Variants in ALDH6A1 observed in about 807,000 individuals in gnomAD.
ALDH6A1 encodes aldehyde dehydrogenase 6 family member A1, also known as methylmalonate-semialdehyde/malonate-semialdehyde dehydrogenase [acylating], mitochondrial.
ALDH6A1 carries 43 observed loss-of-function variants against 62.6 expected under a neutral mutation model. The observed-to-expected ratio is 0.69, with a 90% confidence interval of 0.54 to 0.89. ALDH6A1 has a LOEUF of 0.89. ALDH6A1 is among the 40% of genes least tolerant of loss of function. The probability of loss-of-function intolerance (pLI) is 0.00; values close to 1 mark genes in which losing one functional copy is unlikely to be tolerated. For missense variants in ALDH6A1, 551 were observed against 661.3 expected, an observed-to-expected ratio of 0.83 and a Z score of 1.83; for synonymous variants, 194 against 234.2, an observed-to-expected ratio of 0.83 and a Z score of 1.57.
chr14:74,075,053 G>C (rs776154938), intron 1 of ALDH6A1, 36 bp from the exon 2 acceptor site: 2 of 1,601,150 alleles, frequency 1.2e-6, no homozygotes, highest in Middle Eastern at 1.7e-4. Flanking sequence ...TGATAAATGA[G>C]AGCAGAAAGT....
At chr14:74,061,849 CTT>C (rs2060348567) in intron 11 of ALDH6A1, among the ~76,000 whole-genome samples, 1 of 152,084 alleles carries the variant, frequency 6.6e-6, no homozygotes, top group Non-Finnish European at 1.5e-5. Flanking sequence ...AGATCTAACA[CTT>C]ATATAATTAC....
intron 2 of ALDH6A1, 67 bp downstream of exon 2, chr14:74,074,888 G>T: frequency 1.3e-6 from 2 of 1,494,314 alleles, no homozygotes; most frequent in Non-Finnish European, 1.9e-6. Flanking sequence ...ATGTAAAGAA[G>T]ATAGAGATAC....
intron 11 of ALDH6A1, among the ~76,000 whole-genome samples, chr14:74,061,493 C>G (rs1333311130): frequency 1.3e-5 from 2 of 151,688 alleles, no homozygotes; most frequent in Non-Finnish European, 2.9e-5. Context: ...TAGAGAAGGG[C>G]TAATTTCAGA....
rs538855239 is a variant in ALDH6A1 at position 74,057,165 on chromosome 14, T to A, written c.*3477A>T. The A allele has an allele frequency of 5.0e-6, 8 of 1,612,836 alleles. No individual in the cohort carries two copies. The South Asian group carries it at 8.8e-5, about 18-fold the overall frequency. On this transcript the variant is annotated 3_prime_UTR_variant, in exon 12 of 12. Coordinates refer to ENST00000553458, the MANE Select transcript of ALDH6A1 (RefSeq NM_005589.4). ...GCAGGGATGAAAGTAAGCTTCAAGA[T>A]AAAATCTTCATCACCCAGCAAATTG... is the stretch of plus-strand genomic sequence containing the variant.
At chr14:74,079,539 TCTCCTG>T (rs1202565771) in intron 1 of ALDH6A1, among the ~76,000 whole-genome samples, 1 of 151,884 alleles carries the variant, frequency 6.6e-6, no homozygotes, top group Non-Finnish European at 1.5e-5. Flanking sequence ...GTTCACACCT[TCTCCTG>T]CCTCAGCCTC....
At position 74,065,339 on chromosome 14, in the gene ALDH6A1, C is replaced by T. The variant is rs763086212; in HGVS notation, c.1246G>A (p.Glu416Lys). ...ACAAGAACTGGACCAAAAATCTCCT[C>T]TTTGTAACAGGTCATATTTGGCTGC... is the stretch of plus-strand genomic sequence containing the variant. ...NVKPNMTCYKEEIFGPVLVVL... is the reference protein window; with the variant it reads ...NVKPNMTCYKKEIFGPVLVVL... The change falls in exon 10 of 12, where the codon GAG (glutamate) becomes AAG (lysine). Residue 416 changes from glutamate (E) to lysine (K), a missense_variant. Transcript: ENST00000553458. The T allele has an allele frequency of 5.6e-6, 9 of 1,614,046 alleles. No individual in the cohort carries two copies. The highest frequency in any genetic ancestry group is 3.3e-4 in the Middle Eastern group (2 of 6,050).
chr14:74,073,051 C>T (rs62005120), intron 2 of ALDH6A1, among the ~76,000 whole-genome samples: 15,439 of 152,266 alleles, frequency 0.1, 857 homozygotes, highest in South Asian at 0.18. Context: ...CCACCCACCT[C>T]GGCCTCCCAA....
rs35760969 is a variant in ALDH6A1, at chr14:74,059,084, CAAAAAAA to C, written c.*1551_*1557del. ...GGGCAACAAGAGTGAAACTCCATCTCAAAAAAAAAAAAAAAAAAAAAAGCGTAAAGGC... is the reference window on the plus strand; with the variant it reads ...GGGCAACAAGAGTGAAACTCCATCTCAAAAAAAAAAAAAAAGCGTAAAGGC... On this transcript the variant is annotated 3_prime_UTR_variant, in exon 12 of 12. Coordinates refer to ENST00000553458, the MANE Select transcript of ALDH6A1 (RefSeq NM_005589.4). 4 of 49,748 alleles carry C rather than the reference CAAAAAAA, an allele frequency of 8.0e-5. No individual in the cohort carries two copies. The highest frequency in any genetic ancestry group is 4.0e-4 in the South Asian group (1 of 2,508). 3.1% of individuals were successfully genotyped at this position (49,748 alleles called of 1,614,324 possible).
chr14:74,060,822 G>A (rs2060323289), intron 11 of ALDH6A1, 76 bp from the exon 12 acceptor site: 2 of 1,102,684 alleles, frequency 1.8e-6, no homozygotes, highest in Admixed American at 3.5e-5. Flanking sequence ...TTTTGAAGGA[G>A]GTATTATAAA....
At chr14:74,070,934 C>A in intron 6 of ALDH6A1, 1 of 479,348 alleles carries the variant, frequency 2.1e-6, no homozygotes, top group Non-Finnish European at 3.8e-6. Flanking sequence ...AAAAAAGTTT[C>A]TTTTTAATCT....
intron 1 of ALDH6A1, among the ~76,000 whole-genome samples, chr14:74,081,851 C>G (rs1280632830): frequency 6.6e-6 from 1 of 152,102 alleles, no homozygotes; most frequent in African/African-American, 2.4e-5. Context: ...AATTTTCAGC[C>G]CCATCAGTTA....
intron 2 of ALDH6A1, 65 bp downstream of exon 2, chr14:74,074,890 T>C (rs1235225893): frequency 2.7e-6 from 4 of 1,508,264 alleles, no homozygotes; most frequent in South Asian, 1.1e-5. Flanking sequence ...GTAAAGAAGA[T>C]AGAGATACCC....
At chr14:74,069,070 G>A in intron 6 of ALDH6A1, 89 bp from the exon 7 acceptor site, 3 of 1,110,634 alleles carry the variant, frequency 2.7e-6, no homozygotes, top group Non-Finnish European at 3.9e-6. Flanking sequence ...CTATGGATTT[G>A]AAGTTTTCCT....
At chr14:74,067,173 C>G (rs2060479945) in intron 8 of ALDH6A1, among the ~76,000 whole-genome samples, 1 of 152,046 alleles carries the variant, frequency 6.6e-6, no homozygotes, top group South Asian at 2.1e-4. Context: ...AGGATGGTGC[C>G]ACTGCACTCC....
In ALDH6A1 at chr14:74,066,781, A is replaced by G; in HGVS notation, c.1148T>C (p.Leu383Pro). Reference protein sequence around the residue: ...SGTKEGASILLDGRKIKVKGY... With the variant: ...SGTKEGASILPDGRKIKVKGY... Reference sequence around the variant, plus strand: ...TTTCACTTTAATTTTTCGTCCATCAAGAAGGATGGAAGCTCCCTCCTTTGT... The same window carrying G: ...TTTCACTTTAATTTTTCGTCCATCAGGAAGGATGGAAGCTCCCTCCTTTGT... Residue 383 changes from leucine to proline, a missense_variant, in exon 9 of 12, where the codon CTT becomes CCT. Coordinates refer to ENST00000553458, the MANE Select transcript of ALDH6A1 (RefSeq NM_005589.4). 5 of 1,614,006 alleles carry G rather than the reference A, an allele frequency of 3.1e-6. No homozygotes were observed. The highest frequency in any genetic ancestry group is 4.2e-6 in the Non-Finnish European group (5 of 1,179,926).
intron 2 of ALDH6A1, among the ~76,000 whole-genome samples, chr14:74,074,319 G>A (rs1370283101): frequency 1.3e-4 from 17 of 133,914 alleles, no homozygotes; most frequent in Admixed American, 8.3e-5. Flanking sequence ...ACGGAGTCTC[G>A]CTCTGTCATC....
intron 11 of ALDH6A1, among the ~76,000 whole-genome samples, chr14:74,063,996 G>A (rs978810897): frequency 6.6e-6 from 1 of 151,742 alleles, no homozygotes; most frequent in African/African-American, 2.4e-5. Context: ...TATTCATAGT[G>A]CCTAAAATAA....
intron 1 of ALDH6A1, among the ~76,000 whole-genome samples, chr14:74,082,329 A>T (rs367991045): frequency 6.6e-6 from 1 of 151,090 alleles, no homozygotes; most frequent in South Asian, 2.1e-4. Flanking sequence ...AATTGAAAAC[A>T]TTAACTTTCT....
intron 1 of ALDH6A1, among the ~76,000 whole-genome samples, chr14:74,078,695 T>C (rs1264536540): frequency 6.6e-6 from 1 of 151,770 alleles, no homozygotes; most frequent in African/African-American, 2.4e-5. Context: ...ATCCAGCTAA[T>C]TTTTTGTATT....
Sources: allele counts gnomAD v4.1 joint callset (sites outside exome capture counted in the v4.1 genomes callset), GRCh38; gene constraint gnomAD v4.1.1; transcripts MANE v1.5; gene names NCBI Gene and HGNC (gene_info 2026-07-23, HGNC 2026-07-21).